ATP9B: variants seen among roughly 807,000 people sequenced by gnomAD.
ATP9B encodes ATPase phospholipid transporting 9B.
ATP9B carries 110 observed loss-of-function variants against 146.1 expected under a neutral mutation model. That is an observed-to-expected ratio of 0.75 (90% CI 0.65 to 0.88). The LOEUF (loss-of-function observed/expected upper bound fraction) is 0.88. Ranked by LOEUF, ATP9B falls within the 40% of genes least tolerant of loss-of-function variation. The pLI is 0.00. For synonymous variants in ATP9B, 604 were observed against 569.7 expected (o/e 1.06, Z -0.86); for missense variants, 1,499 against 1,496.4 (o/e 1.00, Z -0.03).
At chr18:79,205,436 T>G (rs895224807) in intron 9 of ATP9B, among the ~76,000 whole-genome samples, 1 of 93,070 alleles carries the variant, frequency 1.1e-5, no homozygotes, top group African/African-American at 5.3e-5. Context: ...TGCAGATTAT[T>G]TTGGAAAATA....
intron 19 of ATP9B, among the ~76,000 whole-genome samples, chr18:79,338,995 T>G (rs1414914066): frequency 6.6e-6 from 1 of 152,254 alleles, no homozygotes; most frequent in African/African-American, 2.4e-5. Context: ...GCATCTGTTT[T>G]CCTTGCTGTC....
chr18:79,192,772 A>G (rs1319467936), intron 8 of ATP9B, among the ~76,000 whole-genome samples: 3 of 152,166 alleles, frequency 2.0e-5, no homozygotes, highest in Non-Finnish European at 2.9e-5. Flanking sequence ...AAAGCATGTA[A>G]ACAGATCTAG....
At chr18:79,224,659 A>G (rs2148515806) in intron 11 of ATP9B, among the ~76,000 whole-genome samples, 1 of 152,346 alleles carries the variant, frequency 6.6e-6, no homozygotes, top group Middle Eastern at 3.4e-3. Flanking sequence ...CTAGCAGGGC[A>G]GGTCCCTTGG....
intron 15 of ATP9B, among the ~76,000 whole-genome samples, chr18:79,317,233 A>G (rs2096685744): frequency 6.6e-6 from 1 of 152,244 alleles, no homozygotes. Context: ...ACACAAAAAA[A>G]GCAGAAGTTC....
At chr18:79,320,899 C>G (rs942387430) in intron 15 of ATP9B, among the ~76,000 whole-genome samples, 6 of 151,402 alleles carry the variant, frequency 4.0e-5, no homozygotes, top group Non-Finnish European at 4.4e-5. Flanking sequence ...AGGAAACCTC[C>G]GGATGCTGTG....
intron 12 of ATP9B, among the ~76,000 whole-genome samples, chr18:79,268,211 C>A (rs1245298947): frequency 2.0e-5 from 3 of 152,000 alleles, no homozygotes; most frequent in African/African-American, 7.2e-5. Flanking sequence ...CTTTTTACTT[C>A]CAACTTCTCT....
chr18:79,113,117 C>T lies in ATP9B; in HGVS notation c.445-124C>T, dbSNP rs1191460481. On this transcript the variant is annotated intron_variant, in intron 3 of 29. Coordinates refer to ENST00000426216, the MANE Select transcript of ATP9B (RefSeq NM_198531.5). ...GAAAATTAATACATTTACTTTGAAT[C>T]ACAACATATTCTCACTGTTTGATGG... is the stretch of plus-strand genomic sequence containing the variant. 5.5e-6 allele frequency: 3 copies of T among 546,482 alleles called. No individual in the cohort carries two copies. In the African/African-American group the frequency reaches 5.8e-5, roughly 11 times the overall value. The allele number at this position is 546,482 out of a possible 1,614,324, so 33.9% of individuals were successfully genotyped here. A position where few individuals can be genotyped will look rare whatever the true frequency, so the allele number is the denominator to read the frequency against.
rs114450233 is a variant in ATP9B, at chr18:79,089,168, T to C, written c.120-7308T>C. On this transcript the variant is annotated intron_variant, in intron 1 of 29. Transcript: ENST00000426216. ...ACAAATTGGGTTCATTGTATACTGC[T>C]CGGGAGATGGGTGCAGCACAGTCTC... is the stretch of plus-strand genomic sequence containing the variant. Among the ~76,000 whole-genome samples, 746 of 152,188 alleles carry C rather than the reference T, an allele frequency of 4.9e-3. 5 individuals are homozygous for C. The highest frequency in any genetic ancestry group is 0.025 in the South Asian group (119 of 4,816).
At chr18:79,164,206 T>TGACTCACA (rs1334650011) in intron 7 of ATP9B, among the ~76,000 whole-genome samples, 3 of 152,194 alleles carry the variant, frequency 2.0e-5, no homozygotes, top group Non-Finnish European at 4.4e-5. Flanking sequence ...GTTACAGACG[T>TGACTCACA]GAGTCACTGT....
At chr18:79,096,156 A>T (rs1267664422) in intron 1 of ATP9B, among the ~76,000 whole-genome samples, 1 of 152,112 alleles carries the variant, frequency 6.6e-6, no homozygotes, top group African/African-American at 2.4e-5. Flanking sequence ...GTTTTTTCTG[A>T]CTGGATTAAG....
chr18:79,108,000 T>C (rs116873114), intron 2 of ATP9B, among the ~76,000 whole-genome samples: 1 of 152,210 alleles, frequency 6.6e-6, no homozygotes, highest in Non-Finnish European at 1.5e-5. Context: ...TGGTAATTCT[T>C]AGGTAACATA....
chr18:79,172,765 A>G (rs903909334), intron 7 of ATP9B, among the ~76,000 whole-genome samples: 7 of 152,268 alleles, frequency 4.6e-5, no homozygotes, highest in Non-Finnish European at 8.8e-5. Flanking sequence ...ACCACAGCAT[A>G]TTTTAAACCA....
rs114190412 is a variant in ATP9B at position 79,290,966 on chromosome 18, G to A, written c.1412-12638G>A. Among the ~76,000 whole-genome samples the A allele has an allele frequency of 6.6e-3, 1,001 of 152,234 alleles. 6 individuals are homozygous for A. Among genetic ancestry groups the A allele is most frequent in the African/African-American group, 0.023 (936 of 41,532 alleles). ...ATGGTGTGGTAGAGTTTAGGGGTGA[G>A]GCCAATTCACAATTCAGGAATATGT... is the stretch of plus-strand genomic sequence containing the variant. On this transcript the variant is annotated intron_variant, in intron 13 of 29. Coordinates refer to ENST00000426216, the MANE Select transcript of ATP9B (RefSeq NM_198531.5).
chr18:79,315,116 A>G (rs1045431766), intron 15 of ATP9B, among the ~76,000 whole-genome samples: 2 of 152,254 alleles, frequency 1.3e-5, no homozygotes, highest in African/African-American at 4.8e-5. Flanking sequence ...TGTAGCTGTC[A>G]TCGCCTGACT....
chr18:79,241,251 A>T (rs1241026161), intron 11 of ATP9B, among the ~76,000 whole-genome samples: 3 of 151,990 alleles, frequency 2.0e-5, no homozygotes, highest in Non-Finnish European at 2.9e-5. Flanking sequence ...TAGAACATGG[A>T]CAGATGGGTT....
At chr18:79,319,523 G>A (rs2096703508) in intron 15 of ATP9B, among the ~76,000 whole-genome samples, 3 of 151,950 alleles carry the variant, frequency 2.0e-5, no homozygotes, top group South Asian at 2.1e-4. Context: ...AGTTCCTTCC[G>A]TAGGGGTCCC....
chr18:79,212,366 CA>C (rs2095592465), intron 10 of ATP9B, among the ~76,000 whole-genome samples: 2 of 152,164 alleles, frequency 1.3e-5, no homozygotes, highest in Non-Finnish European at 2.9e-5. Flanking sequence ...TGTTATGTAT[CA>C]CATTGAATTG....
chr18:79,267,590 C>T lies in ATP9B; in HGVS notation c.1269-9464C>T, dbSNP rs549612866. On this transcript the variant is annotated intron_variant, in intron 12 of 29. Transcript: ENST00000426216. ...TAAGTACAGAATATTTTAATTTCGA[C>T]GTGATTTCATCTTTGACCCATGCTT... 4.6e-5 allele frequency among the ~76,000 whole-genome samples: 7 copies of T among 152,154 alleles called. No individual in the cohort carries two copies. In the South Asian group the frequency reaches 1.2e-3, roughly 27 times the overall value.
intron 20 of ATP9B, chr18:79,343,568 C>T (rs2096869835): frequency 6.6e-6 from 1 of 152,062 alleles, no homozygotes; most frequent in South Asian, 2.1e-4. Flanking sequence ...AAGTTGAAAC[C>T]CATGGCAGAG....
Sources: gnomAD v4.1 joint callset for allele counts (sites outside exome capture counted in the v4.1 genomes callset) on GRCh38, gnomAD v4.1.1 for gene constraint, MANE v1.5 for transcripts, NCBI Gene and HGNC (gene_info 2026-07-23, HGNC 2026-07-21) for gene names.